CPQ: variants seen among roughly 807,000 people sequenced by gnomAD.
The protein encoded by CPQ is Ser-Met dipeptidase.
CPQ carries 37 observed loss-of-function variants against 45.7 expected under a neutral mutation model. That is an observed-to-expected ratio of 0.81 (90% confidence interval 0.62 to 1.07). CPQ has a LOEUF of 1.07. Among genes scored for constraint, CPQ ranks in the 50% least tolerant of loss-of-function variants. The pLI is 0.00. For missense variants in CPQ, 537 were observed against 572.9 expected (o/e 0.94, Z 0.64); for synonymous variants, 186 against 205.8 (o/e 0.90, Z 0.82).
At chr8:97,128,624 G>T (rs1052437182) in intron 7 of CPQ, among the ~76,000 whole-genome samples, 1 of 152,220 alleles carries the variant, frequency 6.6e-6, no homozygotes, top group African/African-American at 2.4e-5. Flanking sequence ...GGTGGAGGTT[G>T]CAGTGAGCCG....
intron 1 of CPQ, among the ~76,000 whole-genome samples, chr8:96,746,054 C>G (rs1457038744): frequency 1.3e-5 from 2 of 152,178 alleles, no homozygotes; most frequent in Non-Finnish European, 2.9e-5. Flanking sequence ...GTGAACTTGT[C>G]CTTTCTTCAC....
rs1354727534 is a variant in CPQ, at chr8:97,023,331, G to A, written c.962-6072G>A. On this transcript the variant is annotated intron_variant, in intron 5 of 7. Coordinates refer to ENST00000220763, the MANE Select transcript of CPQ (RefSeq NM_016134.4). ...GACTTTGGGGACTCAGAGGGAAAGG[G>A]TGGGAAGGAGTTGAGGGATAAAAGA... Among the ~76,000 whole-genome samples, 4 of 152,132 alleles carry A rather than the reference G, an allele frequency of 2.6e-5. No homozygotes were observed. The East Asian group carries it at 7.8e-4, about 30-fold the overall frequency.
intron 3 of CPQ, among the ~76,000 whole-genome samples, chr8:96,870,026 G>T (rs928049995): frequency 2.0e-5 from 3 of 151,986 alleles, no homozygotes; most frequent in Non-Finnish European, 2.9e-5. Flanking sequence ...ATAAATGTGC[G>T]TAAATGGGTA....
intron 5 of CPQ, among the ~76,000 whole-genome samples, chr8:97,011,867 C>T (rs541864834): frequency 6.6e-6 from 1 of 152,150 alleles, no homozygotes; most frequent in Non-Finnish European, 1.5e-5. Flanking sequence ...CTCCACTATG[C>T]CATTACTCTC....
intron 7 of CPQ, among the ~76,000 whole-genome samples, chr8:97,115,265 A>G (rs1217242908): frequency 1.3e-5 from 2 of 152,238 alleles, no homozygotes; most frequent in African/African-American, 4.8e-5. Flanking sequence ...CAAGATAATT[A>G]CTGTTACCTG....
At chr8:97,108,092 G>C (rs1324872203) in intron 7 of CPQ, among the ~76,000 whole-genome samples, 1 of 152,226 alleles carries the variant, frequency 6.6e-6, no homozygotes. Flanking sequence ...GATTAAGAAT[G>C]CCTTGCCAGT....
intron 4 of CPQ, among the ~76,000 whole-genome samples, chr8:96,907,418 T>G (rs1812593295): frequency 6.6e-6 from 1 of 152,026 alleles, no homozygotes; most frequent in South Asian, 2.1e-4. Context: ...CTAGTGAGCT[T>G]AAAAACACCA....
chr8:96,932,611 G>A (rs1812989811), intron 4 of CPQ, among the ~76,000 whole-genome samples: 1 of 152,104 alleles, frequency 6.6e-6, no homozygotes, highest in Non-Finnish European at 1.5e-5. Flanking sequence ...TGCCTTTCCA[G>A]TCATCGTGAA....
At chr8:96,683,805 T>C (rs114679168) in intron 1 of CPQ, among the ~76,000 whole-genome samples, 3,659 of 152,044 alleles carry the variant, frequency 0.024, 161 homozygotes, top group African/African-American at 0.083. Flanking sequence ...GCAGTTCTTT[T>C]CTGTGCTTGG....
chr8:96,666,168 G>T (rs930861675), intron 1 of CPQ, among the ~76,000 whole-genome samples: 1 of 152,108 alleles, frequency 6.6e-6, no homozygotes, highest in Non-Finnish European at 1.5e-5. Flanking sequence ...AAGACGTCTG[G>T]TACCTAGCCC....
At chr8:97,065,058 T>C (rs1453756754) in intron 6 of CPQ, among the ~76,000 whole-genome samples, 1 of 152,156 alleles carries the variant, frequency 6.6e-6, no homozygotes, top group Non-Finnish European at 1.5e-5. Flanking sequence ...ACAAATGTTA[T>C]TATTGATTTT....
At chr8:96,807,354 C>T (rs1811096142) in intron 2 of CPQ, among the ~76,000 whole-genome samples, 1 of 152,142 alleles carries the variant, frequency 6.6e-6, no homozygotes, top group South Asian at 2.1e-4. Flanking sequence ...CTGCCTCAGC[C>T]TCCTGAATAG....
intron 2 of CPQ, among the ~76,000 whole-genome samples, chr8:96,790,591 G>T (rs185537456): frequency 6.6e-6 from 1 of 152,264 alleles, no homozygotes; most frequent in East Asian, 1.9e-4. Flanking sequence ...CCTAAACTGA[G>T]AATTGGGTGG....
intron 5 of CPQ, among the ~76,000 whole-genome samples, chr8:97,011,999 T>C (rs1205598497): frequency 1.3e-5 from 2 of 152,218 alleles, no homozygotes; most frequent in Non-Finnish European, 2.9e-5. Flanking sequence ...TTCACATGAA[T>C]GCAAAACACC....
chr8:96,913,757 A>G (rs982253679), intron 4 of CPQ, among the ~76,000 whole-genome samples: 2 of 152,214 alleles, frequency 1.3e-5, no homozygotes, highest in Admixed American at 1.3e-4. Context: ...TATTCAGTCT[A>G]AAGTCTTGCC....
At chr8:97,017,415 C>T (rs1809599988) in intron 5 of CPQ, among the ~76,000 whole-genome samples, 1 of 152,162 alleles carries the variant, frequency 6.6e-6, no homozygotes, top group African/African-American at 2.4e-5. Flanking sequence ...CTGGCCAGAA[C>T]TGGGGGGAGG....
At chr8:96,811,097 C>A (rs924489037) in intron 2 of CPQ, among the ~76,000 whole-genome samples, 1 of 152,094 alleles carries the variant, frequency 6.6e-6, no homozygotes, top group African/African-American at 2.4e-5. Context: ...ATATTAATGT[C>A]CTGGATCTTT....
At chr8:96,660,229 T>G (rs1815683774) in intron 1 of CPQ, among the ~76,000 whole-genome samples, 1 of 152,188 alleles carries the variant, frequency 6.6e-6, no homozygotes. Context: ...GGCCTCTCTT[T>G]TTGGCTTGCA....
intron 1 of CPQ, among the ~76,000 whole-genome samples, chr8:96,781,993 C>A (rs1036942775): frequency 6.6e-6 from 1 of 152,126 alleles, no homozygotes; most frequent in African/African-American, 2.4e-5. Flanking sequence ...GGGGTTGAGC[C>A]CCCAAGGACT....
Sources: gnomAD v4.1 joint callset for allele counts (sites outside exome capture counted in the v4.1 genomes callset) on GRCh38, gnomAD v4.1.1 for gene constraint, MANE v1.5 for transcripts, NCBI Gene and HGNC (gene_info 2026-07-23, HGNC 2026-07-21) for gene names.